Variants in CSMD1 observed in about 807,000 individuals in gnomAD.
CSMD1 encodes the protein CUB and Sushi multiple domains 1, also known as CUB and sushi domain-containing protein 1.
CSMD1 carries 213 observed loss-of-function variants against 417.5 expected under a neutral mutation model. That is an observed-to-expected ratio of 0.51 (90% CI 0.46 to 0.57). The LOEUF is 0.57. CSMD1 is among the 20% of genes least tolerant of loss of function. The pLI, the probability that CSMD1 is intolerant of heterozygous loss-of-function variation, is 0.00. For synonymous variants in CSMD1, 2,862 were observed against 1,736.8 expected, an observed-to-expected ratio of 1.65 and a Z score of -16.11; for missense variants, 6,923 against 4,529.7, an observed-to-expected ratio of 1.53 and a Z score of -15.17.
At chr8:3,083,577 G>T (rs1814262293) in intron 49 of CSMD1, among the ~76,000 whole-genome samples, 1 of 116,184 alleles carries the variant, frequency 8.6e-6, no homozygotes, top group Non-Finnish European at 1.6e-5. Context: ...TCCAGGTCAT[G>T]CTCTCCATCC....
chr8:3,759,554 G>A (rs57312004), intron 5 of CSMD1, among the ~76,000 whole-genome samples: 1 of 151,876 alleles, frequency 6.6e-6, no homozygotes, highest in Non-Finnish European at 1.5e-5. Flanking sequence ...GCAAATGGTG[G>A]AAAATGGGCA....
chr8:3,887,388 G>C (rs148302456), intron 5 of CSMD1, among the ~76,000 whole-genome samples: 1 of 152,270 alleles, frequency 6.6e-6, no homozygotes, highest in African/African-American at 2.4e-5. Context: ...ATGTATCCAA[G>C]AACAAGTTAC....
At chr8:3,353,419 C>CACAAAATGTTTCCTTTT (rs1367114283) in intron 21 of CSMD1, among the ~76,000 whole-genome samples, 1 of 152,192 alleles carries the variant, frequency 6.6e-6, no homozygotes, top group Non-Finnish European at 1.5e-5. Flanking sequence ...GCTCGCATAT[C>CACAAAATGTTTCCTTTT]ACAAAATGTT....
chr8:4,954,285 C>A (rs750531214), intron 1 of CSMD1, among the ~76,000 whole-genome samples: 2 of 152,100 alleles, frequency 1.3e-5, no homozygotes, highest in African/African-American at 2.4e-5. Context: ...AGTGTTACAA[C>A]AGAGGTGCAA....
intron 3 of CSMD1, among the ~76,000 whole-genome samples, chr8:4,398,896 A>G (rs1013523515): frequency 1.3e-5 from 2 of 152,200 alleles, no homozygotes; most frequent in African/African-American, 4.8e-5. Context: ...ATAAAAAATA[A>G]AAGTCTCTAA....
intron 2 of CSMD1, among the ~76,000 whole-genome samples, chr8:4,425,723 T>C (rs1224582293): frequency 1.3e-5 from 2 of 152,182 alleles, no homozygotes; most frequent in Non-Finnish European, 2.9e-5. Context: ...TTACGAAACA[T>C]TTTGAAGTAA....
intron 40 of CSMD1, among the ~76,000 whole-genome samples, chr8:3,143,397 C>T (rs576966076): frequency 6.6e-6 from 1 of 152,124 alleles, no homozygotes; most frequent in Non-Finnish European, 1.5e-5. Context: ...CAGCCTGGCA[C>T]AGTTGAGAAT....
chr8:3,523,348 T>G (rs559348061), intron 10 of CSMD1, among the ~76,000 whole-genome samples: 1 of 152,334 alleles, frequency 6.6e-6, no homozygotes, highest in Non-Finnish European at 1.5e-5. Flanking sequence ...CAACACAGTG[T>G]CATTCTGAGA....
At chr8:3,179,156 A>T (rs576387976) in intron 37 of CSMD1, among the ~76,000 whole-genome samples, 2 of 151,372 alleles carry the variant, frequency 1.3e-5, no homozygotes, top group African/African-American at 4.9e-5. Context: ...CGTGTTAGCC[A>T]GGACTGTCTC....
intron 3 of CSMD1, among the ~76,000 whole-genome samples, chr8:4,232,960 G>T (rs926691415): frequency 2.6e-5 from 4 of 152,094 alleles, no homozygotes; most frequent in Non-Finnish European, 4.4e-5. Context: ...GCATAATTTG[G>T]TTATTCATAA....
At chr8:3,024,364 G>C (rs919612172) in intron 51 of CSMD1, among the ~76,000 whole-genome samples, 8 of 151,896 alleles carry the variant, frequency 5.3e-5, no homozygotes, top group Non-Finnish European at 1.2e-4. Context: ...AGATTGCAGT[G>C]ATGGGACCTC....
chr8:4,308,538 G>C (rs181128435), intron 3 of CSMD1, among the ~76,000 whole-genome samples: 62 of 152,354 alleles, frequency 4.1e-4, no homozygotes, highest in Non-Finnish European at 3.7e-4. Context: ...GTTTAGCAGA[G>C]TTGGACGTTG....
intron 3 of CSMD1, among the ~76,000 whole-genome samples, chr8:4,180,908 CT>C (rs1380327568): frequency 1.3e-5 from 2 of 152,064 alleles, no homozygotes; most frequent in Non-Finnish European, 2.9e-5. Context: ...ATATTTATTT[CT>C]AAATTTTCAA....
At chr8:4,294,625 A>G (rs1456739296) in intron 3 of CSMD1, among the ~76,000 whole-genome samples, 1 of 152,144 alleles carries the variant, frequency 6.6e-6, no homozygotes, top group African/African-American at 2.4e-5. Context: ...AACATTCCAG[A>G]ACAACTTGAT....
chr8:4,286,080 GA>G (rs1198805503), intron 3 of CSMD1, among the ~76,000 whole-genome samples: 2 of 152,090 alleles, frequency 1.3e-5, no homozygotes, highest in Non-Finnish European at 2.9e-5. Flanking sequence ...TACAGCTGGA[GA>G]AATACACATT....
chr8:4,466,892 A>G (rs1042620703), intron 2 of CSMD1, among the ~76,000 whole-genome samples: 15 of 151,998 alleles, frequency 9.9e-5, no homozygotes, highest in Admixed American at 5.9e-4. Context: ...ATTTTTAATT[A>G]TATTGAAATT....
At chr8:3,743,177 G>C (rs1252043236) in intron 6 of CSMD1, among the ~76,000 whole-genome samples, 1 of 152,060 alleles carries the variant, frequency 6.6e-6, no homozygotes, top group Admixed American at 6.6e-5. Context: ...TCTCTACTGT[G>C]CTACACGACT....
chr8:3,684,592 C>A (rs1419535141), intron 7 of CSMD1, among the ~76,000 whole-genome samples: 3 of 142,548 alleles, frequency 2.1e-5, no homozygotes, highest in African/African-American at 7.7e-5. Flanking sequence ...GATACTGATA[C>A]AGTCTTTTTT....
intron 1 of CSMD1, among the ~76,000 whole-genome samples, chr8:4,942,000 T>A (rs1321659310): frequency 1.3e-5 from 2 of 152,206 alleles, no homozygotes; most frequent in Non-Finnish European, 2.9e-5. Context: ...AAAACCTGAA[T>A]CAAATCATTA....
Sources: allele counts gnomAD v4.1 joint callset (sites outside exome capture counted in the v4.1 genomes callset), GRCh38; gene constraint gnomAD v4.1.1; transcripts MANE v1.5; gene names NCBI Gene and HGNC (gene_info 2026-07-23, HGNC 2026-07-21).